Variants in ADAMTSL1 observed in about 807,000 individuals in gnomAD.
ADAMTSL1 encodes ADAMTS like 1.
ADAMTSL1 carries 126 observed loss-of-function variants against 201.8 expected under a neutral mutation model. The ratio of observed to expected loss-of-function variants is 0.62; its 90% CI spans 0.54 to 0.72. The LOEUF (loss-of-function observed/expected upper bound fraction) is 0.72. ADAMTSL1 is among the 30% of genes least tolerant of loss of function. The pLI, the probability that ADAMTSL1 is intolerant of heterozygous loss-of-function variation, is 0.00. For missense variants in ADAMTSL1, 2,679 were observed against 2,277.8 expected (o/e 1.18, Z -3.59); for synonymous variants, 1,121 against 903.4 (o/e 1.24, Z -4.32).
intron 15 of ADAMTSL1, among the ~76,000 whole-genome samples, chr9:18,729,931 T>C (rs1055310858): frequency 3.9e-5 from 6 of 152,254 alleles, no homozygotes; most frequent in East Asian, 1.9e-4. Context: ...GATAACTTTC[T>C]TCTGTGGATA....
intron 20 of ADAMTSL1, among the ~76,000 whole-genome samples, chr9:18,810,383 A>C (rs1182918170): frequency 1.3e-5 from 2 of 152,328 alleles, no homozygotes; most frequent in East Asian, 1.9e-4. Context: ...GCAAAGAAGA[A>C]AGAGGGATAG....
intron 15 of ADAMTSL1, among the ~76,000 whole-genome samples, chr9:18,734,862 C>G (rs1818415989): frequency 6.6e-6 from 1 of 152,200 alleles, no homozygotes; most frequent in South Asian, 2.1e-4. Flanking sequence ...GCTGTGCCTT[C>G]CATCCCCTTT....
chr9:18,629,087 A>C (rs1826577828), intron 5 of ADAMTSL1, among the ~76,000 whole-genome samples: 1 of 152,138 alleles, frequency 6.6e-6, no homozygotes, highest in African/African-American at 2.4e-5. Flanking sequence ...AACATGATTG[A>C]TTTTTGTGTG....
chr9:18,071,882 G>A (rs1230707879), intron 1 of ADAMTSL1, among the ~76,000 whole-genome samples: 1 of 152,162 alleles, frequency 6.6e-6, no homozygotes, highest in Admixed American at 6.5e-5. Flanking sequence ...TTCATCAGCC[G>A]CACTTCCTGT....
At chr9:18,291,933 A>C (rs16936537) in intron 2 of ADAMTSL1, among the ~76,000 whole-genome samples, 1 of 152,076 alleles carries the variant, frequency 6.6e-6, no homozygotes, top group African/African-American at 2.4e-5. Flanking sequence ...TGTTCATGCA[A>C]CATCTCATCA....
chr9:18,090,635 T>A (rs1187870678), intron 1 of ADAMTSL1, among the ~76,000 whole-genome samples: 1 of 152,172 alleles, frequency 6.6e-6, no homozygotes. Flanking sequence ...TACAGAGTTT[T>A]AATTGCGGAA....
intron 14 of ADAMTSL1, among the ~76,000 whole-genome samples, chr9:18,719,255 T>G (rs1295268488): frequency 2.0e-5 from 3 of 152,222 alleles, no homozygotes; most frequent in Non-Finnish European, 4.4e-5. Context: ...TTAAATTAAA[T>G]TTTGAAGCTC....
chr9:18,541,689 G>A (rs926291078), intron 3 of ADAMTSL1, among the ~76,000 whole-genome samples: 5 of 152,232 alleles, frequency 3.3e-5, no homozygotes, highest in Middle Eastern at 3.4e-3. Flanking sequence ...TTTCAAACGC[G>A]TTTATTAACC....
Position 18,905,792 on chromosome 9 carries a change from CT to C in ADAMTSL1, c.4864del (p.Cys1622AlafsTer6). On this transcript the variant is annotated frameshift_variant, in exon 27 of 29. Transcript: ENST00000380548. LOFTEE classifies it high-confidence loss of function. Reference sequence around the variant, plus strand: ...TTTTCTGCTTTCCAGTGCAATGGGCCTTGCATCGGGCCTCACCTAGCTGTGC... The same window carrying C: ...TTTTCTGCTTTCCAGTGCAATGGGCCTGCATCGGGCCTCACCTAGCTGTGC... ...AFSSWGQCNGPCIGPHLAVQH... is the reference protein window; with the variant it reads ...AFSSWGQCNGXCIGPHLAVQH... 6.2e-7 allele frequency: 1 copy of C among 1,613,002 alleles called. No homozygotes were observed. Among genetic ancestry groups the C allele is most frequent in the Non-Finnish European group, 8.5e-7 (1 of 1,179,476 alleles).
chr9:18,672,172 C>T (rs558558510), intron 9 of ADAMTSL1, among the ~76,000 whole-genome samples: 83 of 151,150 alleles, frequency 5.5e-4, no homozygotes, highest in African/African-American at 1.9e-3. Flanking sequence ...GCAGTGTGAG[C>T]CCAATTTTGG....
At chr9:18,681,241 C>G (rs368566849) in intron 11 of ADAMTSL1, 7 of 152,460 alleles carry the variant, frequency 4.6e-5, no homozygotes, top group African/African-American at 1.7e-4. Flanking sequence ...AGACATGCTA[C>G]CAGACATGGG....
At chr9:18,092,134 A>G (rs142110401) in intron 1 of ADAMTSL1, among the ~76,000 whole-genome samples, 13 of 152,232 alleles carry the variant, frequency 8.5e-5, no homozygotes, top group African/African-American at 3.1e-4. Context: ...GGCATCGTCT[A>G]TACTTGGGGC....
intron 2 of ADAMTSL1, among the ~76,000 whole-genome samples, chr9:18,211,764 T>G (rs1829880781): frequency 6.6e-6 from 1 of 152,240 alleles, no homozygotes; most frequent in Admixed American, 6.5e-5. Flanking sequence ...ATCTGTTTCC[T>G]TTACAAAACT....
chr9:18,256,154 C>T (rs1831674282), intron 2 of ADAMTSL1, among the ~76,000 whole-genome samples: 2 of 152,134 alleles, frequency 1.3e-5, no homozygotes, highest in South Asian at 2.1e-4. Context: ...ACATTCTGCA[C>T]CTTTAAATTG....
intron 2 of ADAMTSL1, among the ~76,000 whole-genome samples, chr9:18,381,915 A>C (rs1267034316): frequency 1.3e-5 from 2 of 152,140 alleles, no homozygotes; most frequent in African/African-American, 4.8e-5. Flanking sequence ...TTTAAAGTGT[A>C]GTGGTTTTCG....
At chr9:17,988,595 T>C (rs1318395986) in intron 1 of ADAMTSL1, among the ~76,000 whole-genome samples, 1 of 151,494 alleles carries the variant, frequency 6.6e-6, no homozygotes, top group Non-Finnish European at 1.5e-5. Flanking sequence ...TTGGAAGAGA[T>C]GGCCAAGAGT....
chr9:18,798,387 T>C (rs1253658092), intron 20 of ADAMTSL1, among the ~76,000 whole-genome samples: 2 of 152,220 alleles, frequency 1.3e-5, no homozygotes, highest in African/African-American at 4.8e-5. Flanking sequence ...TAACAGCACC[T>C]GACTCAGAAA....
At chr9:18,828,344 G>A (rs1341497103) in intron 22 of ADAMTSL1, among the ~76,000 whole-genome samples, 6 of 152,044 alleles carry the variant, frequency 3.9e-5, no homozygotes, top group Non-Finnish European at 8.8e-5. Flanking sequence ...TTGTTTTGAA[G>A]ATGGAAAGTA....
chr9:18,737,319 C>CAAAAA (rs59511409), intron 15 of ADAMTSL1, among the ~76,000 whole-genome samples: 21,684 of 53,258 alleles, frequency 0.41, 5,181 homozygotes, highest in Non-Finnish European at 0.49. Context: ...AACTCTGTCT[C>CAAAAA]AAAAAAAAAA....
Sources: allele counts gnomAD v4.1 joint callset (sites outside exome capture counted in the v4.1 genomes callset), GRCh38; gene constraint gnomAD v4.1.1; transcripts MANE v1.5; gene names NCBI Gene and HGNC (gene_info 2026-07-23, HGNC 2026-07-21).